Variants in CDH18 observed in about 807,000 individuals in gnomAD.
CDH18 encodes the protein cadherin-18.
In CDH18, 31 loss-of-function variants were observed where a neutral mutation model predicts 67.9. That is an observed-to-expected ratio of 0.46 (90% CI 0.34 to 0.62). The LOEUF is 0.62. Among genes scored for constraint, CDH18 ranks in the 20% least tolerant of loss-of-function variants. CDH18 has a pLI of 0.01. For missense variants in CDH18, 890 were observed against 975.5 expected, an observed-to-expected ratio of 0.91 and a Z score of 1.17; for synonymous variants, 362 against 347.2, an observed-to-expected ratio of 1.04 and a Z score of -0.48.
At chr5:19,592,856 T>A (rs753934534) in intron 6 of CDH18, among the ~76,000 whole-genome samples, 3 of 152,034 alleles carry the variant, frequency 2.0e-5, no homozygotes, top group Non-Finnish European at 4.4e-5. Context: ...TAACAACCAC[T>A]CCATTCTTTG....
chr5:19,561,141 A>G (rs921270040), intron 8 of CDH18, among the ~76,000 whole-genome samples: 4 of 152,158 alleles, frequency 2.6e-5, no homozygotes, highest in African/African-American at 9.6e-5. Flanking sequence ...CATTTGAAAC[A>G]GCAATCCCAC....
rs569299297 is a variant in CDH18 at position 20,456,415 on chromosome 5, T to A, written c.-580+119047A>T. 4.6e-5 allele frequency among the ~76,000 whole-genome samples: 7 copies of A among 152,238 alleles called. No homozygotes were observed. The South Asian group carries it at 1.4e-3, about 32-fold the overall frequency. ...AAAAACCAAAAAGGTATTTATTTTA[T>A]TTATTTATTTTCATGCTTTCCATGG... On this transcript the variant is annotated intron_variant, in intron 1 of 14. Coordinates refer to the CDH18 transcript ENST00000507958.
intron 2 of CDH18, among the ~76,000 whole-genome samples, chr5:20,172,504 T>C (rs901259658): frequency 6.6e-6 from 1 of 151,710 alleles, no homozygotes; most frequent in Non-Finnish European, 1.5e-5. Context: ...TTAGTTTAAA[T>C]GACAGAATTT....
chr5:19,748,615 C>T (rs1347680429), intron 3 of CDH18, among the ~76,000 whole-genome samples: 2 of 152,092 alleles, frequency 1.3e-5, no homozygotes, highest in African/African-American at 4.8e-5. Context: ...ACCTTTTTCT[C>T]ATTTCTGACA....
chr5:20,374,090 T>A (rs1743221395), intron 1 of CDH18, among the ~76,000 whole-genome samples: 1 of 152,088 alleles, frequency 6.6e-6, no homozygotes, highest in Admixed American at 6.5e-5. Context: ...GGCCAAATGG[T>A]GTGCACAAGG....
At chr5:19,713,022 T>A (rs183615286) in intron 5 of CDH18, among the ~76,000 whole-genome samples, 14 of 152,108 alleles carry the variant, frequency 9.2e-5, no homozygotes, top group African/African-American at 3.4e-4. Flanking sequence ...CTGTTATCTA[T>A]TGATTTAATA....
Position 20,322,755 on chromosome 5 carries a change from A to G in CDH18, c.-579-67250T>C, listed in dbSNP as rs573289438. Among the ~76,000 whole-genome samples the G allele has an allele frequency of 2.7e-4, 41 of 152,272 alleles. 1 individual carries two copies. The South Asian group carries it at 8.3e-3, about 31-fold the overall frequency. On this transcript the variant is annotated intron_variant, in intron 1 of 14. Transcript: ENST00000507958. ...ACAATGAATGACAAAAAGCCGCTTG[A>G]CAGAGCAATTCTAACTACTTTGGGT...
intron 2 of CDH18, among the ~76,000 whole-genome samples, chr5:19,974,069 A>G (rs1798273695): frequency 2.0e-5 from 3 of 152,186 alleles, no homozygotes; most frequent in South Asian, 2.1e-4. Context: ...AAAGATACAC[A>G]TAGTGAACAT....
intron 1 of CDH18, among the ~76,000 whole-genome samples, chr5:20,316,133 G>T (rs1737438792): frequency 6.6e-6 from 1 of 152,094 alleles, no homozygotes; most frequent in East Asian, 1.9e-4. Flanking sequence ...TCAATAAGAT[G>T]AGAAGAAGCT....
chr5:20,511,863 T>A lies in CDH18; in HGVS notation c.-580+63599A>T, dbSNP rs114533032. 8.0e-3 allele frequency among the ~76,000 whole-genome samples: 1,225 copies of A among 152,278 alleles called. 19 individuals carry two copies. The highest frequency in any genetic ancestry group is 0.027 in the African/African-American group (1,143 of 41,568). ...TATTTGTTGGTGAGTTTGTTTTTAC[T>A]TTGATTAATGTATACCAATAAGCAG... On this transcript the variant is annotated intron_variant, in intron 1 of 14. Coordinates refer to the CDH18 transcript ENST00000507958.
chr5:19,753,792 A>G (rs900745495), intron 3 of CDH18, among the ~76,000 whole-genome samples: 3 of 152,200 alleles, frequency 2.0e-5, no homozygotes, highest in Non-Finnish European at 4.4e-5. Flanking sequence ...AGCAGAAACC[A>G]TACAAGCTCG....
At chr5:20,095,312 AAAGAAAG>A (rs1745802664) in intron 2 of CDH18, among the ~76,000 whole-genome samples, 1 of 8,378 alleles carries the variant, frequency 1.2e-4, no homozygotes, top group African/African-American at 3.2e-4. Flanking sequence ...AGAAAGAAAG[AAAGAAAG>A]AAAGAAAGAA....
intron 1 of CDH18, among the ~76,000 whole-genome samples, chr5:20,382,261 G>A (rs1011952242): frequency 2.6e-5 from 4 of 152,102 alleles, no homozygotes; most frequent in African/African-American, 9.7e-5. Context: ...AGTGACAACT[G>A]GCATTTTTCT....
At chr5:19,605,649 G>T (rs928598254) in intron 6 of CDH18, among the ~76,000 whole-genome samples, 1 of 152,044 alleles carries the variant, frequency 6.6e-6, no homozygotes, top group South Asian at 2.1e-4. Context: ...TATAGAAAAT[G>T]ACTGTTTTAA....
chr5:19,491,420 G>C (rs1741447046), intron 11 of CDH18, among the ~76,000 whole-genome samples: 1 of 152,194 alleles, frequency 6.6e-6, no homozygotes, highest in Non-Finnish European at 1.5e-5. Context: ...CACCAGCTGT[G>C]AGTTCTTGTT....
chr5:20,300,948 C>T (rs1282967949), intron 1 of CDH18, among the ~76,000 whole-genome samples: 3 of 152,076 alleles, frequency 2.0e-5, no homozygotes, highest in African/African-American at 7.2e-5. Context: ...AACCTGAGCA[C>T]ATATCATTCA....
chr5:20,540,699 T>A (rs1757004936), intron 1 of CDH18, among the ~76,000 whole-genome samples: 1 of 152,198 alleles, frequency 6.6e-6, no homozygotes, highest in African/African-American at 2.4e-5. Context: ...TCATTGGAAA[T>A]ACAGCATCAG....
chr5:20,478,136 C>T (rs1183250518), intron 1 of CDH18, among the ~76,000 whole-genome samples: 1 of 152,004 alleles, frequency 6.6e-6, no homozygotes, highest in African/African-American at 2.4e-5. Context: ...TGGGTGAGAC[C>T]CAGGGATGTG....
At chr5:20,344,698 C>T (rs972938128) in intron 1 of CDH18, among the ~76,000 whole-genome samples, 1 of 152,056 alleles carries the variant, frequency 6.6e-6, no homozygotes, top group Non-Finnish European at 1.5e-5. Flanking sequence ...ACTCATTTCC[C>T]TCAGGTCACT....
Sources: gnomAD v4.1 joint callset for allele counts (sites outside exome capture counted in the v4.1 genomes callset) on GRCh38, gnomAD v4.1.1 for gene constraint, MANE v1.5 for transcripts, NCBI Gene and HGNC (gene_info 2026-07-23, HGNC 2026-07-21) for gene names.